LENG9: variants seen among roughly 807,000 people sequenced by gnomAD.
The protein encoded by LENG9 is leukocyte receptor cluster (LRC) member 9.
For missense variants in LENG9, 872 were observed against 652.7 expected (o/e 1.34, Z -3.66); for synonymous variants, 410 against 303.9 (o/e 1.35, Z -3.63).
rs201732705 is a variant in LENG9, at chr19:54,462,666, A to G, written c.861T>C (p.Leu287=). The change falls in exon 1 of 1, where the codon CTT becomes CTC. Residue 287 remains leucine, a synonymous_variant. Transcript: ENST00000611161. The part of the protein sequence containing the change: ...AAWPEDKRAR[L]SVAAPCQPRP... ...GCGGTTGGCAAGGGGCTGCAACACT[A>G]AGGCGGGCCCTTTTGTCCTCGGGCC... 60 of 1,612,258 alleles carry G rather than the reference A, an allele frequency of 3.7e-5. No individual in the cohort carries two copies. Among genetic ancestry groups the G allele is most frequent in the Non-Finnish European group, 5.1e-5 (60 of 1,179,988 alleles).
rs960530264 is a variant in LENG9, at chr19:54,462,010, G to A, written c.*80C>T. ...GAGAAACCAAAATTAAAGAGAGAAA[G>A]AGAGAGCGTGCACGCTCCTGCTTTG... is the stretch of plus-strand genomic sequence containing the variant. On this transcript the variant is annotated 3_prime_UTR_variant, in exon 1 of 1. Coordinates refer to ENST00000611161, the MANE Select transcript of LENG9 (RefSeq NM_001301782.2). 12 of 1,451,730 alleles carry A rather than the reference G, an allele frequency of 8.3e-6. No individual in the cohort carries two copies. The highest frequency in any genetic ancestry group is 7.1e-5 in the African/African-American group (5 of 70,522). 89.9% of individuals were successfully genotyped at this position (1,451,730 alleles called of 1,614,324 possible).
Position 54,462,676 on chromosome 19 carries a change from C to G in LENG9, c.851G>C (p.Arg284Thr), listed in dbSNP as rs199881375. 217 of 1,611,932 alleles carry G rather than the reference C, an allele frequency of 1.3e-4. No homozygotes were observed. In the Middle Eastern group the frequency reaches 1.7e-3, roughly 12 times the overall value. ...AGGGGCTGCAACACTAAGGCGGGCCCTTTTGTCCTCGGGCCAGGCCGCAGG... is the reference window on the plus strand; with the variant it reads ...AGGGGCTGCAACACTAAGGCGGGCCGTTTTGTCCTCGGGCCAGGCCGCAGG... ...WGPAAWPEDKRARLSVAAPCQ... is the reference protein window; with the variant it reads ...WGPAAWPEDKTARLSVAAPCQ... The change falls in exon 1 of 1, where the codon AGG (arginine) becomes ACG (threonine). Residue 284 changes from arginine to threonine, a missense_variant. Transcript: ENST00000611161.
chr19:54,461,910 C>G lies in LENG9; in HGVS notation c.*180G>C. The stretch of plus-strand genomic sequence containing the variant: ...TTCCAGATGTTCCTCCTCTGCCTCC[C>G]CTTCCCCTCCTCTCCCCTCCTTTTC... On this transcript the variant is annotated 3_prime_UTR_variant, in exon 1 of 1. Coordinates refer to ENST00000611161, the MANE Select transcript of LENG9 (RefSeq NM_001301782.2). The G allele has an allele frequency of 1.2e-6, 1 of 865,576 alleles. No homozygotes were observed. The highest frequency in any genetic ancestry group is 1.3e-5 in the South Asian group (1 of 74,646). 53.6% of individuals were successfully genotyped at this position (865,576 alleles called of 1,614,324 possible). A position where few individuals can be genotyped will look rare whatever the true frequency, so the allele number is the denominator to read the frequency against.
chr19:54,461,802 G>T lies in LENG9; in HGVS notation c.*288C>A, dbSNP rs1237993149. On this transcript the variant is annotated 3_prime_UTR_variant, in exon 1 of 1. Transcript: ENST00000611161. ...CTTCCTCCTCTCCCTTTTCTTTTTG[G>T]CCCTCCCTCCCTCCCTCTTCTGCCA... is the stretch of plus-strand genomic sequence containing the variant. 1 of 624,696 alleles carries T rather than the reference G, an allele frequency of 1.6e-6. No homozygotes were observed. The highest frequency in any genetic ancestry group is 2.1e-5 in the Admixed American group (1 of 46,888). The allele number at this position is 624,696 out of a possible 1,614,324, so 38.7% of individuals were successfully genotyped here. A position where few individuals can be genotyped will look rare whatever the true frequency, so the allele number is the denominator to read the frequency against.
At position 54,463,632 on chromosome 19, in the gene LENG9, C is replaced by T; in HGVS notation, c.-106G>A. ...TCACCCGACAGTGGCGTCAGCGGCC[C>T]GCGCTCCGGCCTAGCTCTGGGGACC... is the stretch of plus-strand genomic sequence containing the variant. On this transcript the variant is annotated 5_prime_UTR_variant, in exon 1 of 1. Transcript: ENST00000611161. The T allele has an allele frequency of 1.6e-6, 2 of 1,256,358 alleles. No individual in the cohort carries two copies. The highest frequency in any genetic ancestry group is 2.0e-6 in the Non-Finnish European group (2 of 992,664). The allele number at this position is 1,256,358 out of a possible 1,614,324, so 77.8% of individuals were successfully genotyped here. A position where few individuals can be genotyped will look rare whatever the true frequency, so the allele number is the denominator to read the frequency against.
chr19:54,463,184 G>T lies in LENG9; in HGVS notation c.343C>A (p.Pro115Thr), dbSNP rs751562948. Residue 115 changes from proline (P) to threonine (T), a missense_variant, in exon 1 of 1, where the codon CCG (proline) becomes ACG (threonine). Pro to Thr is a conservative substitution (Grantham distance 38, BLOSUM62 -1). Coordinates refer to ENST00000611161, the MANE Select transcript of LENG9 (RefSeq NM_001301782.2). ...TGCTGGGGCACTGCCAGCACGCCCG[G>T]CCCGAGCGCCGCCAGCGGCTGGTCC... ...CWDQPLAALG[P>T]GVLAVPQHRV... The T allele has an allele frequency of 2.4e-5, 38 of 1,571,432 alleles. No homozygotes were observed. In the African/African-American group the frequency reaches 4.6e-4, roughly 19 times the overall value.
Position 54,462,440 on chromosome 19 carries a change from C to A in LENG9, c.1087G>T (p.Ala363Ser). The change falls in exon 1 of 1, where the codon GCC (alanine) becomes TCC (serine). Residue 363 changes from alanine to serine, a missense_variant. Coordinates refer to ENST00000611161, the MANE Select transcript of LENG9 (RefSeq NM_001301782.2). ...GCATTTAGCCCCGGGGCCAAGAGGG[C>A]CCGTCTCAGAGCTCCAATGGCAGCG... ...EAAAIGALRR[A>S]LLAPGLNAPP... 6.2e-7 allele frequency: 1 copy of A among 1,613,486 alleles called. No homozygotes were observed. Among genetic ancestry groups the A allele is most frequent in the Non-Finnish European group, 8.5e-7 (1 of 1,179,996 alleles).
At position 54,463,181 on chromosome 19, in the gene LENG9, C is replaced by A. The variant is rs762810023; in HGVS notation, c.346G>T (p.Gly116Cys). The A allele has an allele frequency of 3.8e-6, 6 of 1,573,666 alleles. No homozygotes were observed. The highest frequency in any genetic ancestry group is 5.1e-6 in the Non-Finnish European group (6 of 1,166,252). Residue 116 changes from glycine to cysteine, a missense_variant, in exon 1 of 1, where the codon GGC becomes TGC. Physicochemically the swap from Gly to Cys is radical, Grantham distance 159 (BLOSUM62 -3). Coordinates refer to ENST00000611161, the MANE Select transcript of LENG9 (RefSeq NM_001301782.2). ...CGGTGCTGGGGCACTGCCAGCACGC[C>A]CGGCCCGAGCGCCGCCAGCGGCTGG... ...WDQPLAALGP[G>C]VLAVPQHRVR... is the part of the protein sequence containing the mutation.
At position 54,462,433 on chromosome 19, in the gene LENG9, A is replaced by G. The variant is rs1478709716; in HGVS notation, c.1094T>C (p.Leu365Ser). ...AAIGALRRALLAPGLNAPPRL... is the reference protein window; with the variant it reads ...AAIGALRRALSAPGLNAPPRL... ...AGGGGGTGCATTTAGCCCCGGGGCC[A>G]AGAGGGCCCGTCTCAGAGCTCCAAT... The change falls in exon 1 of 1, where the codon TTG becomes TCG. Residue 365 changes from leucine (L) to serine (S), a missense_variant. Leu to Ser is a moderately radical substitution (Grantham distance 145, BLOSUM62 -2). Transcript: ENST00000611161. The G allele has an allele frequency of 6.2e-7, 1 of 1,613,528 alleles. No homozygotes were observed. Among genetic ancestry groups the G allele is most frequent in the Admixed American group, 1.7e-5 (1 of 60,030 alleles).
Position 54,462,943 on chromosome 19 carries a change from G to T in LENG9, c.584C>A (p.Pro195Gln), listed in dbSNP as rs1388406490. The stretch of plus-strand genomic sequence containing the variant: ...TGGTTCCTGGTGCCCTGTGCAGAGC[G>T]GCCTTGTGCTCCCTCGCTTGGGGGC... Reference protein sequence around the residue: ...QAAPKRGSTRPLCTGHQEPGV... With the variant: ...QAAPKRGSTRQLCTGHQEPGV... The change falls in exon 1 of 1, where the codon CCG (proline) becomes CAG (glutamine). Residue 195 changes from proline to glutamine, a missense_variant. Physicochemically the swap from Pro to Gln is moderately conservative, Grantham distance 76. Coordinates refer to ENST00000611161, the MANE Select transcript of LENG9 (RefSeq NM_001301782.2). 1 of 1,611,486 alleles carries T rather than the reference G, an allele frequency of 6.2e-7. No homozygotes were observed. The highest frequency in any genetic ancestry group is 8.5e-7 in the Non-Finnish European group (1 of 1,179,922).
In LENG9 at chr19:54,462,765, G is replaced by T; in HGVS notation, c.762C>A (p.Gly254=). 6.2e-7 allele frequency: 1 copy of T among 1,611,108 alleles called. No individual in the cohort carries two copies. Among genetic ancestry groups the T allele is most frequent in the African/African-American group, 1.3e-5 (1 of 74,850 alleles). Residue 254 remains glycine (G), a synonymous_variant, in exon 1 of 1, where the codon GGC becomes GGA. Transcript: ENST00000611161. The part of the protein sequence containing the change: ...TAATRTTLLG[G]KEAQALGVPG... ...GGACTCCCAGGGCCTGTGCTTCCTTGCCCCCCAGCAATGTGGTCCTGGTGG... is the reference window on the plus strand; with the variant it reads ...GGACTCCCAGGGCCTGTGCTTCCTTTCCCCCCAGCAATGTGGTCCTGGTGG...
chr19:54,463,661 C>T lies in LENG9; in HGVS notation c.-135G>A. On this transcript the variant is annotated 5_prime_UTR_variant, in exon 1 of 1. Transcript: ENST00000611161. ...CTCCGGCCTAGCTCTGGGGACCACG[C>T]CGCGTGCCCTCGCGAGGACTCTGGC... 8.4e-7 allele frequency: 1 copy of T among 1,184,474 alleles called. No homozygotes were observed. The highest frequency in any genetic ancestry group is 1.1e-6 in the Non-Finnish European group (1 of 931,622). The allele number at this position is 1,184,474 out of a possible 1,614,324, so 73.4% of individuals were successfully genotyped here.
rs368668472 is a variant in LENG9, at chr19:54,462,640, C to T, written c.887G>A (p.Arg296His). ...CATGAGGGCCACAAAATGTGTGGGG[C>T]GCGGTTGGCAAGGGGCTGCAACACT... ...RLSVAAPCQP[R>H]PTHFVALMVT... Residue 296 changes from arginine (R) to histidine (H), a missense_variant, in exon 1 of 1, where the codon CGC (arginine) becomes CAC (histidine). Coordinates refer to ENST00000611161, the MANE Select transcript of LENG9 (RefSeq NM_001301782.2). 1.1e-5 allele frequency: 18 copies of T among 1,613,154 alleles called. No homozygotes were observed. Among genetic ancestry groups the T allele is most frequent in the African/African-American group, 6.7e-5 (5 of 74,898 alleles).
rs10406453 is a variant in LENG9, at chr19:54,463,135, C to T, written c.392G>A (p.Arg131His). Reference sequence around the variant, plus strand: ...GGCGCGGTCCCACACAAGGCGGCCACGGAAGCGGAAGAAGCGCACGCGGTG... The same window carrying T: ...GGCGCGGTCCCACACAAGGCGGCCATGGAAGCGGAAGAAGCGCACGCGGTG... ...PQHRVRFFRF[R>H]GRLVWDRASR... The change falls in exon 1 of 1, where the codon CGT becomes CAT. Residue 131 changes from arginine to histidine, a missense_variant. Arg to His is a conservative substitution (Grantham distance 29). Transcript: ENST00000611161. 567,374 of 1,595,334 alleles carry T rather than the reference C, an allele frequency of 0.36. 106,493 individuals are homozygous for T. The highest frequency in any genetic ancestry group is 0.61 in the East Asian group (26,948 of 44,484).
In LENG9 at chr19:54,462,567, G is replaced by T. The variant is rs1191051166; in HGVS notation, c.960C>A (p.Tyr320Ter). The change falls in exon 1 of 1, where the codon TAC becomes TAA. Residue 320 changes from tyrosine to a stop codon, truncating the protein, a stop_gained. Coordinates refer to ENST00000611161, the MANE Select transcript of LENG9 (RefSeq NM_001301782.2). LOFTEE classifies it low-confidence loss of function (END_TRUNC). ...CGCAGTGTGGGGCCACGTGGACCAG[G>T]TATTCCTGGGCCTTGGTCACTTCTG... ...LQAEVTKAQE[Y>*]LVHVAPHCAN... 6.2e-7 allele frequency: 1 copy of T among 1,613,670 alleles called. No homozygotes were observed. The highest frequency in any genetic ancestry group is 1.3e-5 in the African/African-American group (1 of 74,932).
chr19:54,462,145 C>G lies in LENG9; in HGVS notation c.1382G>C (p.Arg461Pro). The change falls in exon 1 of 1, where the codon CGT becomes CCT. Residue 461 changes from arginine (R) to proline (P), a missense_variant. By Grantham distance (103) the Arg-to-Pro change is moderately radical. Coordinates refer to ENST00000611161, the MANE Select transcript of LENG9 (RefSeq NM_001301782.2). ...GAAAGGCCCCCCTGTCCTCCCTATA[C>G]GGCACAGCCAGAGTGTCTGCAGGGG... ...CQPLQTLWLCRIGRTGGPFQP... is the reference protein window; with the variant it reads ...CQPLQTLWLCPIGRTGGPFQP... The G allele has an allele frequency of 6.2e-7, 1 of 1,603,446 alleles. No individual in the cohort carries two copies. The highest frequency in any genetic ancestry group is 8.5e-7 in the Non-Finnish European group (1 of 1,174,058).
Position 54,462,771 on chromosome 19 carries a change from C to T in LENG9, c.756G>A (p.Leu252=), listed in dbSNP as rs201211370. ...CCAGGGCCTGTGCTTCCTTGCCCCCCAGCAATGTGGTCCTGGTGGCTGCTG... is the reference window on the plus strand; with the variant it reads ...CCAGGGCCTGTGCTTCCTTGCCCCCTAGCAATGTGGTCCTGGTGGCTGCTG... ...KPTAATRTTL[L]GGKEAQALGV... The change falls in exon 1 of 1, where the codon CTG becomes CTA. Residue 252 remains leucine, a synonymous_variant. Coordinates refer to ENST00000611161, the MANE Select transcript of LENG9 (RefSeq NM_001301782.2). The T allele has an allele frequency of 5.6e-6, 9 of 1,611,094 alleles. No homozygotes were observed. The East Asian group carries it at 1.6e-4, about 28-fold the overall frequency.
Position 54,462,088 on chromosome 19 carries a change from T to C in LENG9, c.*2A>G. On this transcript the variant is annotated 3_prime_UTR_variant, in exon 1 of 1. Transcript: ENST00000611161. ...ATTGTCTCCTCCAGAGGTCTGGGGG[T>C]GTCACTCCAGGGGGATCTCAGCCAG... The C allele has an allele frequency of 6.4e-7, 1 of 1,558,906 alleles. No homozygotes were observed. The highest frequency in any genetic ancestry group is 8.7e-7 in the Non-Finnish European group (1 of 1,153,462).
rs1036658245 is a variant in LENG9, at chr19:54,462,667, A to T, written c.860T>A (p.Leu287His). 4.3e-6 allele frequency: 7 copies of T among 1,612,314 alleles called. No homozygotes were observed. Among genetic ancestry groups the T allele is most frequent in the Admixed American group, 3.3e-5 (2 of 60,014 alleles). ...AAWPEDKRAR[L>H]SVAAPCQPRP... ...CGGTTGGCAAGGGGCTGCAACACTAAGGCGGGCCCTTTTGTCCTCGGGCCA... is the reference window on the plus strand; with the variant it reads ...CGGTTGGCAAGGGGCTGCAACACTATGGCGGGCCCTTTTGTCCTCGGGCCA... The change falls in exon 1 of 1, where the codon CTT (leucine) becomes CAT (histidine). Residue 287 changes from leucine (L) to histidine (H), a missense_variant. Leu to His is a moderately conservative substitution (Grantham distance 99, BLOSUM62 -3). Coordinates refer to ENST00000611161, the MANE Select transcript of LENG9 (RefSeq NM_001301782.2).
Sources: allele counts gnomAD v4.1 joint callset, GRCh38; gene constraint gnomAD v4.1.1; transcripts MANE v1.5; gene names NCBI Gene and HGNC (gene_info 2026-07-23, HGNC 2026-07-21).